Variants in SPAG6 observed in about 807,000 individuals in gnomAD.
The protein encoded by SPAG6 is sperm-associated antigen 6.
A neutral mutation model predicts 58.5 loss-of-function variants in SPAG6; 49 were observed. The ratio of observed to expected loss-of-function variants is 0.84; its 90% CI spans 0.67 to 1.06. The LOEUF (loss-of-function observed/expected upper bound fraction) is 1.06. Ranked by LOEUF, SPAG6 falls within the 50% of genes least tolerant of loss-of-function variation. The pLI is 0.00. For synonymous variants in SPAG6, 233 were observed against 225.6 expected, an observed-to-expected ratio of 1.03 and a Z score of -0.29; for missense variants, 560 against 611.3, an observed-to-expected ratio of 0.92 and a Z score of 0.89.
intron 4 of SPAG6, among the ~76,000 whole-genome samples, chr10:22,375,403 G>C (rs1439257891): frequency 6.6e-6 from 1 of 152,116 alleles, no homozygotes; most frequent in Admixed American, 6.6e-5. Context: ...TCATCATCTT[G>C]TTTTCCCATA....
At chr10:22,346,799 T>G (rs1206585000) in intron 2 of SPAG6, among the ~76,000 whole-genome samples, 2 of 152,212 alleles carry the variant, frequency 1.3e-5, no homozygotes, top group East Asian at 3.8e-4. Flanking sequence ...ATTCCTTGTG[T>G]GTTTTTATTG....
chr10:22,401,671 T>C (rs1834417520), intron 9 of SPAG6, among the ~76,000 whole-genome samples: 1 of 152,242 alleles, frequency 6.6e-6, no homozygotes, highest in Non-Finnish European at 1.5e-5. Context: ...ATGAAGTCCA[T>C]GTACTTTACT....
chr10:22,381,948 C>A (rs962378468), intron 4 of SPAG6, among the ~76,000 whole-genome samples: 1 of 152,148 alleles, frequency 6.6e-6, no homozygotes, highest in Non-Finnish European at 1.5e-5. Context: ...ACTTCTCATG[C>A]CTGTTACTGA....
At chr10:22,358,989 C>G (rs1463895802) in intron 2 of SPAG6, among the ~76,000 whole-genome samples, 1 of 152,194 alleles carries the variant, frequency 6.6e-6, no homozygotes, top group Admixed American at 6.5e-5. Flanking sequence ...CAAGGTCCCT[C>G]AGCTAGGAAG....
At chr10:22,402,426 CT>C (rs1834437986) in intron 9 of SPAG6, among the ~76,000 whole-genome samples, 2 of 152,168 alleles carry the variant, frequency 1.3e-5, no homozygotes, top group African/African-American at 4.8e-5. Context: ...AAAGTAGTCC[CT>C]ACAGATAAGT....
chr10:22,399,828 A>T (rs1834370410), intron 8 of SPAG6, among the ~76,000 whole-genome samples: 1 of 152,216 alleles, frequency 6.6e-6, no homozygotes, highest in Non-Finnish European at 1.5e-5. Flanking sequence ...TAAATTTGTT[A>T]GCTTGCTAAG....
At chr10:22,402,298 TG>T (rs1834434539) in intron 9 of SPAG6, among the ~76,000 whole-genome samples, 1 of 152,048 alleles carries the variant, frequency 6.6e-6, no homozygotes, top group South Asian at 2.1e-4. Context: ...AAAAAATGAA[TG>T]GGGTGTGGCA....
At chr10:22,374,142 A>G (rs1423736161) in intron 4 of SPAG6, among the ~76,000 whole-genome samples, 1 of 152,196 alleles carries the variant, frequency 6.6e-6, no homozygotes, top group African/African-American at 2.4e-5. Flanking sequence ...AGAGCAACAG[A>G]ATGTAATATA....
intron 5 of SPAG6, 140 bp downstream of exon 5, chr10:22,387,099 G>T (rs967488671): frequency 3.0e-6 from 2 of 669,720 alleles, no homozygotes; most frequent in Non-Finnish European, 5.1e-6. Flanking sequence ...TATGTATTTG[G>T]TCTCTTAATA....
chr10:22,402,167 T>C (rs910804995), intron 9 of SPAG6, among the ~76,000 whole-genome samples: 2 of 152,300 alleles, frequency 1.3e-5, no homozygotes, highest in African/African-American at 2.4e-5. Flanking sequence ...AGATATTGTA[T>C]GCTAAGCATT....
At chr10:22,397,858 A>G (rs1293813397) in intron 8 of SPAG6, among the ~76,000 whole-genome samples, 1 of 152,102 alleles carries the variant, frequency 6.6e-6, no homozygotes, top group Non-Finnish European at 1.5e-5. Context: ...TATTTAACAT[A>G]ATCTCTATCA....
chr10:22,376,243 A>C (rs893851138), intron 4 of SPAG6, among the ~76,000 whole-genome samples: 4 of 152,300 alleles, frequency 2.6e-5, no homozygotes, highest in Non-Finnish European at 5.9e-5. Context: ...GGCTGAATTG[A>C]GAAATGCTGT....
At chr10:22,403,794 C>T (rs1834477437) in intron 9 of SPAG6, among the ~76,000 whole-genome samples, 1 of 146,140 alleles carries the variant, frequency 6.8e-6, no homozygotes, top group African/African-American at 2.6e-5. Context: ...TCTCCAGCAC[C>T]TGTTGTTTCC....
At position 22,416,975 on chromosome 10, in the gene SPAG6, C is replaced by G. The variant is rs542006596; in HGVS notation, c.*287C>G. ...TATTCTGTTAAAAACCACACACACT[C>G]GTACATGCAGACACCTCCAATGAGA... is the stretch of plus-strand genomic sequence containing the variant. On this transcript the variant is annotated 3_prime_UTR_variant, in exon 11 of 11. Transcript: ENST00000376624. 39 of 252,718 alleles carry G rather than the reference C, an allele frequency of 1.5e-4. No individual in the cohort carries two copies. The East Asian group carries it at 2.0e-3, about 13-fold the overall frequency. 15.7% of individuals were successfully genotyped at this position (252,718 alleles called of 1,614,324 possible). A position where few individuals can be genotyped will look rare whatever the true frequency, so the allele number is the denominator to read the frequency against.
intron 4 of SPAG6, among the ~76,000 whole-genome samples, chr10:22,380,365 G>A (rs953843682): frequency 2.0e-5 from 3 of 151,628 alleles, no homozygotes; most frequent in Non-Finnish European, 4.4e-5. Flanking sequence ...GTGAAGCAAC[G>A]TGATCTTGGC....
At chr10:22,409,539 T>C (rs1186275545) in intron 9 of SPAG6, among the ~76,000 whole-genome samples, 1 of 152,204 alleles carries the variant, frequency 6.6e-6, no homozygotes, top group African/African-American at 2.4e-5. Flanking sequence ...AGAAAACATT[T>C]CAATGTACTA....
At chr10:22,382,098 G>A (rs1291423762) in intron 4 of SPAG6, among the ~76,000 whole-genome samples, 3 of 152,122 alleles carry the variant, frequency 2.0e-5, no homozygotes, top group Middle Eastern at 3.2e-3. Flanking sequence ...AAGTTTTTAC[G>A]GATCAAAAAA....
chr10:22,357,441 CA>C (rs1005373694), intron 2 of SPAG6, among the ~76,000 whole-genome samples: 3 of 151,426 alleles, frequency 2.0e-5, no homozygotes, highest in Admixed American at 6.6e-5. Context: ...AAATGTATGG[CA>C]AAAAAAGCCT....
At chr10:22,390,024 T>A (rs1365229687) in intron 7 of SPAG6, among the ~76,000 whole-genome samples, 1 of 152,186 alleles carries the variant, frequency 6.6e-6, no homozygotes, top group Non-Finnish European at 1.5e-5. Context: ...GTGGGTTTCT[T>A]ATCAGCATAG....
Sources: allele counts gnomAD v4.1 joint callset (sites outside exome capture counted in the v4.1 genomes callset), GRCh38; gene constraint gnomAD v4.1.1; transcripts MANE v1.5; gene names NCBI Gene and HGNC (gene_info 2026-07-23, HGNC 2026-07-21).